Variants in HMCN1 observed in about 807,000 individuals in gnomAD.
HMCN1 encodes hemicentin-1.
In HMCN1, 321 loss-of-function variants were observed where a neutral mutation model predicts 625.9. That is an observed-to-expected ratio of 0.51 (90% CI 0.47 to 0.56). HMCN1 has a LOEUF of 0.56. Ranked by LOEUF, HMCN1 falls within the 20% of genes least tolerant of loss-of-function variation. The pLI is 0.00. For synonymous variants in HMCN1, 2,425 were observed against 2,417.6 expected, an observed-to-expected ratio of 1.00 and a Z score of -0.09; for missense variants, 6,588 against 6,887.3, an observed-to-expected ratio of 0.96 and a Z score of 1.54.
intron 24 of HMCN1, 59 bp from the exon 25 acceptor site, chr1:185,997,370 T>C: frequency 1.9e-6 from 2 of 1,037,696 alleles, no homozygotes; most frequent in East Asian, 4.8e-5. Context: ...AATTGTGCCT[T>C]AGGAGAGTTT....
intron 68 of HMCN1, among the ~76,000 whole-genome samples, chr1:186,100,011 C>G (rs1660312488): frequency 6.6e-6 from 1 of 151,946 alleles, no homozygotes; most frequent in Admixed American, 6.6e-5. Flanking sequence ...GAAGAGGCTG[C>G]TGTATTCATA....
At chr1:185,983,907 T>C (rs575349421) in intron 18 of HMCN1, among the ~76,000 whole-genome samples, 1 of 152,304 alleles carries the variant, frequency 6.6e-6, no homozygotes, top group African/African-American at 2.4e-5. Context: ...ACAAGTGATG[T>C]CTATATCTTT....
intron 4 of HMCN1, among the ~76,000 whole-genome samples, chr1:185,899,364 T>A (rs1223275782): frequency 2.6e-5 from 4 of 152,162 alleles, no homozygotes; most frequent in Non-Finnish European, 5.9e-5. Context: ...ATTCAAAGAT[T>A]ATACAACCAA....
intron 106 of HMCN1, among the ~76,000 whole-genome samples, chr1:186,189,016 C>T (rs12085667): frequency 0.012 from 1,807 of 152,074 alleles, 44 homozygotes; most frequent in African/African-American, 0.042. Flanking sequence ...ATAATGTGAA[C>T]GACAATTACA....
In HMCN1 at chr1:186,040,877, C is replaced by G; in HGVS notation, c.6181-136C>G. On this transcript the variant is annotated intron_variant, in intron 39 of 106. Transcript: ENST00000271588. Reference sequence around the variant, plus strand: ...AAGGGTATTATATGATGTTTGCCTACTTAAAAATGTCCAAGGGAAAATCTT... The same window carrying G: ...AAGGGTATTATATGATGTTTGCCTAGTTAAAAATGTCCAAGGGAAAATCTT... 3 of 880,746 alleles carry G rather than the reference C, an allele frequency of 3.4e-6. No individual in the cohort carries two copies. In the South Asian group the frequency reaches 4.2e-5, roughly 12 times the overall value. 54.6% of individuals were successfully genotyped at this position (880,746 alleles called of 1,614,324 possible).
intron 79 of HMCN1, 41 bp from the exon 80 acceptor site, chr1:186,119,970 C>CA: frequency 6.4e-7 from 1 of 1,566,258 alleles, no homozygotes; most frequent in South Asian, 1.1e-5. Flanking sequence ...AATGAACAGG[C>CA]TTTTTTTTTT....
chr1:186,152,874 A>G lies in HMCN1; in HGVS notation c.15018+3A>G. 1 of 1,613,764 alleles carries G rather than the reference A, an allele frequency of 6.2e-7. No homozygotes were observed. The highest frequency in any genetic ancestry group is 8.5e-7 in the Non-Finnish European group (1 of 1,179,698). On this transcript the variant is annotated splice_donor_region_variant and intron_variant, in intron 96 of 106. Coordinates refer to ENST00000271588, the MANE Select transcript of HMCN1 (RefSeq NM_031935.3). ...CACCTGCTGAAGTCACTGTAAAGGT[A>G]AAATGCCAGGATAACTTGTCTTTGC... is the stretch of plus-strand genomic sequence containing the variant.
rs778660887 is a variant in HMCN1 at position 186,094,307 on chromosome 1, G to A, written c.10228G>A (p.Val3410Met). 1 of 1,613,360 alleles carries A rather than the reference G, an allele frequency of 6.2e-7. No individual in the cohort carries two copies. Among genetic ancestry groups the A allele is most frequent in the Non-Finnish European group, 8.5e-7 (1 of 1,179,566 alleles). ...IVRAQVSDVA[V>M]YTCVASNRAG... ...GAGAGCTCAGGTGTCTGATGTCGCT[G>A]TGTATACTTGTGTGGCCTCCAACAG... The change falls in exon 67 of 107, where the codon GTG becomes ATG. Residue 3410 changes from valine to methionine, a missense_variant. Val to Met is a conservative substitution (Grantham distance 21, BLOSUM62 1). Coordinates refer to ENST00000271588, the MANE Select transcript of HMCN1 (RefSeq NM_031935.3).
At chr1:186,150,780 C>T (rs949358060) in intron 93 of HMCN1, among the ~76,000 whole-genome samples, 4 of 151,952 alleles carry the variant, frequency 2.6e-5, no homozygotes, top group Admixed American at 6.6e-5. Context: ...TTAATTTCTA[C>T]AAACTTAAAG....
intron 50 of HMCN1, among the ~76,000 whole-genome samples, chr1:186,068,696 T>C (rs1481156492): frequency 6.6e-6 from 1 of 151,732 alleles, no homozygotes; most frequent in Non-Finnish European, 1.5e-5. Context: ...TGAAACCCTG[T>C]CCCTACTAAA....
At chr1:185,948,377 A>G (rs1307546305) in intron 11 of HMCN1, among the ~76,000 whole-genome samples, 3 of 151,044 alleles carry the variant, frequency 2.0e-5, no homozygotes, top group Non-Finnish European at 4.4e-5. Flanking sequence ...CCGAAAAGAG[A>G]GTCAGCAAAG....
At chr1:185,780,559 G>T (rs1386261314) in intron 1 of HMCN1, among the ~76,000 whole-genome samples, 2 of 152,108 alleles carry the variant, frequency 1.3e-5, no homozygotes, top group African/African-American at 4.8e-5. Context: ...TAGCATGAAG[G>T]GCTGATGAAT....
chr1:186,018,355 A>G lies in HMCN1; in HGVS notation c.5470+3A>G, dbSNP rs753543577. 6.2e-7 allele frequency: 1 copy of G among 1,611,958 alleles called. No homozygotes were observed. ...GGAATTTGAAGTGACTGTTCATGGT[A>G]TGCTGAAGAAGGGACAGGAACTTTG... On this transcript the variant is annotated splice_donor_region_variant and intron_variant, in intron 34 of 106. Coordinates refer to ENST00000271588, the MANE Select transcript of HMCN1 (RefSeq NM_031935.3).
At position 186,082,973 on chromosome 1, in the gene HMCN1, G is replaced by A; in HGVS notation, c.8884+12G>A. 2.6e-6 allele frequency: 4 copies of A among 1,510,254 alleles called. No individual in the cohort carries two copies. The highest frequency in any genetic ancestry group is 3.6e-6 in the Non-Finnish European group (4 of 1,098,334). 93.6% of individuals were successfully genotyped at this position (1,510,254 alleles called of 1,614,324 possible). ...CCTCAATGTTCATGGTAAGAGCTCA[G>A]TTCCAAAACCATCTGTTAGGGTATG... On this transcript the variant is annotated intron_variant, in intron 57 of 106. Transcript: ENST00000271588.
At chr1:185,867,236 T>C (rs1663313039) in intron 4 of HMCN1, among the ~76,000 whole-genome samples, 1 of 152,170 alleles carries the variant, frequency 6.6e-6, no homozygotes, top group Non-Finnish European at 1.5e-5. Flanking sequence ...TTGTGTGCAC[T>C]CTAGTGACTC....
rs1409746726 is a variant in HMCN1, at chr1:186,082,862, T to C, written c.8788-3T>C. 5 of 1,555,808 alleles carry C rather than the reference T, an allele frequency of 3.2e-6. No homozygotes were observed. The African/African-American group carries it at 6.8e-5, about 21-fold the overall frequency. Reference sequence around the variant, plus strand: ...ATTTGGAATTTCTTCATTTTTCCCTTAGATTCTGAATACTCAAATAACAGA... The same window carrying C: ...ATTTGGAATTTCTTCATTTTTCCCTCAGATTCTGAATACTCAAATAACAGA... On this transcript the variant is annotated splice_region_variant and splice_polypyrimidine_tract_variant and intron_variant, in intron 56 of 106. Coordinates refer to ENST00000271588, the MANE Select transcript of HMCN1 (RefSeq NM_031935.3).
In HMCN1 at chr1:186,174,640, T is replaced by A; in HGVS notation, c.15941T>A (p.Met5314Lys). The A allele has an allele frequency of 6.2e-7, 1 of 1,614,038 alleles. No homozygotes were observed. Among genetic ancestry groups the A allele is most frequent in the Admixed American group, 1.7e-5 (1 of 60,018 alleles). The change falls in exon 103 of 107, where the codon ATG becomes AAG. Residue 5314 changes from methionine (M) to lysine (K), a missense_variant and splice_region_variant. Coordinates refer to ENST00000271588, the MANE Select transcript of HMCN1 (RefSeq NM_031935.3). ...YRSQGVGRPC[M>K]DINECEQVPK... ...TCTCAAGGAGTTGGAAGACCCTGCA[T>A]GGGTAAGTTAATAGGAACTTGTTGA...
chr1:186,052,843 C>A, intron 42 of HMCN1, 109 bp from the exon 43 acceptor site: 3 of 950,456 alleles, frequency 3.2e-6, no homozygotes, highest in Middle Eastern at 2.4e-4. Context: ...CCTCATATGA[C>A]AATTTCTTCC....
intron 46 of HMCN1, among the ~76,000 whole-genome samples, chr1:186,060,450 T>G (rs1657611310): frequency 6.6e-6 from 1 of 152,108 alleles, no homozygotes. Context: ...CTTAGTTCTC[T>G]GCAGGTTTTG....
Sources: allele counts gnomAD v4.1 joint callset (sites outside exome capture counted in the v4.1 genomes callset), GRCh38; gene constraint gnomAD v4.1.1; transcripts MANE v1.5; gene names NCBI Gene and HGNC (gene_info 2026-07-23, HGNC 2026-07-21).